Variants in HSD11B2 observed in about 807,000 individuals in gnomAD.
The protein encoded by HSD11B2 is hydroxysteroid 11-beta dehydrogenase 2.
In HSD11B2, 17 loss-of-function variants were observed where a neutral mutation model predicts 20.9. The observed-to-expected ratio is 0.81, with a 90% CI of 0.56 to 1.22. HSD11B2 has a LOEUF of 1.22. HSD11B2 is among the 50% of genes most tolerant of loss of function. The pLI is 0.00. For missense variants in HSD11B2, 480 were observed against 563.6 expected, an observed-to-expected ratio of 0.85 and a Z score of 1.50; for synonymous variants, 253 against 255.4, an observed-to-expected ratio of 0.99 and a Z score of 0.09.
rs2142284466 is a variant in HSD11B2, at chr16:67,431,240, T to C, written c.-9T>C. On this transcript the variant is annotated 5_prime_UTR_variant, in exon 1 of 5. Coordinates refer to ENST00000326152, the MANE Select transcript of HSD11B2 (RefSeq NM_000196.4). The stretch of plus-strand genomic sequence containing the variant: ...CCCGCCCCGCCCCGCCCCAGCCCGC[T>C]GGGCCGCCATGGAGCGCTGGCCTTG... 8.3e-7 allele frequency: 1 copy of C among 1,200,230 alleles called. No individual in the cohort carries two copies. The highest frequency in any genetic ancestry group is 1.0e-6 in the Non-Finnish European group (1 of 965,070). The allele number at this position is 1,200,230 out of a possible 1,614,324, so 74.3% of individuals were successfully genotyped here.
At position 67,435,689 on chromosome 16, in the gene HSD11B2, G is replaced by C; in HGVS notation, c.327G>C (p.Val109=). The change falls in exon 2 of 5, where the codon GTG becomes GTC. Residue 109 remains valine (V), a synonymous_variant. Transcript: ENST00000326152. ...AACTGGACTCCATGGGCTTCACGGT[G>C]CTGGCCACCGTATTGGAGTTGAACA... The part of the protein sequence containing the change: ...AKKLDSMGFT[V]LATVLELNSP... 1 of 1,613,922 alleles carries C rather than the reference G, an allele frequency of 6.2e-7. No homozygotes were observed. Among genetic ancestry groups the C allele is most frequent in the Non-Finnish European group, 8.5e-7 (1 of 1,180,016 alleles).
intron 1 of HSD11B2, among the ~76,000 whole-genome samples, chr16:67,433,530 C>T (rs1340414447): frequency 4.6e-5 from 7 of 151,928 alleles, no homozygotes; most frequent in Non-Finnish European, 1.0e-4. Flanking sequence ...AGGGTGTGCA[C>T]GTGAGCAAGA....
intron 1 of HSD11B2, 144 bp downstream of exon 1, chr16:67,431,657 G>A (rs1445951112): frequency 2.1e-6 from 2 of 939,900 alleles, no homozygotes; most frequent in African/African-American, 3.5e-5. Context: ...GGTGCAGGGA[G>A]CGAGCCAAAT....
chr16:67,430,998 G>A (rs1207734529), upstream of HSD11B2: 4 of 205,878 alleles, frequency 1.9e-5, no homozygotes, highest in Non-Finnish European at 3.9e-5. This position sits in a 1 kb window ranked among gnomAD's most constrained non-coding sequence, Gnocchi z 5.4. Flanking sequence ...CGGGGGGGGA[G>A]CACCTGCCCT....
In HSD11B2 at chr16:67,431,531, G is replaced by A; in HGVS notation, c.265+18G>A. ...CATCACCGGTGAGTGCGCGGGTCGC[G>A]GAGCGCGGGGACTCCAGGCTCGAGG... On this transcript the variant is annotated intron_variant, in intron 1 of 4. Coordinates refer to ENST00000326152, the MANE Select transcript of HSD11B2 (RefSeq NM_000196.4). The A allele has an allele frequency of 7.4e-7, 1 of 1,356,600 alleles. No homozygotes were observed. The highest frequency in any genetic ancestry group is 1.8e-5 in the South Asian group (1 of 56,866). 84.0% of individuals were successfully genotyped at this position (1,356,600 alleles called of 1,614,324 possible).
Position 67,436,474 on chromosome 16 carries a change from A to C in HSD11B2, c.802+88A>C. 6.5e-7 allele frequency: 1 copy of C among 1,538,356 alleles called. No individual in the cohort carries two copies. The highest frequency in any genetic ancestry group is 8.8e-7 in the Non-Finnish European group (1 of 1,133,184). On this transcript the variant is annotated intron_variant, in intron 4 of 4. Coordinates refer to ENST00000326152, the MANE Select transcript of HSD11B2 (RefSeq NM_000196.4). The surrounding 1 kb of genome is among the most constrained non-coding windows in gnomAD (Gnocchi z 5.7). ...GGCAGGTCAGGTTTGATGAATGGTC[A>C]TGGTTTTGGTTGGGGGTGTAGTTTT...
chr16:67,431,586 C>T, intron 1 of HSD11B2, 73 bp downstream of exon 1: 1 of 1,215,534 alleles, frequency 8.2e-7, no homozygotes, highest in Non-Finnish European at 1.0e-6. Context: ...AGGACTGACT[C>T]CCCATGGGCA....
In HSD11B2 at chr16:67,436,338, C is replaced by T; in HGVS notation, c.754C>T (p.Pro252Ser). Reference protein sequence around the residue: ...LMDTFSCELLPWGVKVSIIQP... With the variant: ...LMDTFSCELLSWGVKVSIIQP... ...GGACACATTCAGCTGTGAACTCCTTCCCTGGGGGGTCAAGGTCAGCATCAT... is the reference window on the plus strand; with the variant it reads ...GGACACATTCAGCTGTGAACTCCTTTCCTGGGGGGTCAAGGTCAGCATCAT... The change falls in exon 4 of 5, where the codon CCC becomes TCC. Residue 252 changes from proline (P) to serine (S), a missense_variant. By Grantham distance (74) the Pro-to-Ser change is moderately conservative. Transcript: ENST00000326152. The surrounding 1 kb of genome is among the most constrained non-coding windows in gnomAD (Gnocchi z 5.7). The T allele has an allele frequency of 6.2e-7, 1 of 1,611,698 alleles. No homozygotes were observed. Among genetic ancestry groups the T allele is most frequent in the Non-Finnish European group, 8.5e-7 (1 of 1,179,178 alleles).
In HSD11B2 at chr16:67,432,259, AGG is replaced by A. The variant is rs35257037; in HGVS notation, c.265+757_265+758del. Among the ~76,000 whole-genome samples the A allele has an allele frequency of 1.7e-3, 176 of 103,406 alleles. 1 individual carries two copies. The highest frequency in any genetic ancestry group is 5.1e-3 in the African/African-American group (159 of 31,220). The allele number at this position is 103,406 out of a possible 152,430, so 67.8% of individuals were successfully genotyped here. On this transcript the variant is annotated intron_variant, in intron 1 of 4. Transcript: ENST00000326152. ...CTGTCACCAGAGGGAGGGAAGGGGA[AGG>A]GGGGGGGGGGCTGGAGGCCCGCCGG...
chr16:67,429,820 A>G (rs1273836293), upstream of HSD11B2, among the ~76,000 whole-genome samples: 3 of 152,076 alleles, frequency 2.0e-5, no homozygotes, highest in Admixed American at 2.0e-4. Flanking sequence ...CTGGCTCACC[A>G]GGGGGCTGTG....
rs2040980585 is a variant in HSD11B2 at position 67,436,905 on chromosome 16, C to T, written c.1120C>T (p.Arg374Ter). 1.9e-6 allele frequency: 3 copies of T among 1,613,072 alleles called. No homozygotes were observed. The highest frequency in any genetic ancestry group is 1.3e-5 in the African/African-American group (1 of 74,928). The change falls in exon 5 of 5, where the codon CGA becomes TGA. Residue 374 changes from arginine to a stop codon, truncating the protein, a stop_gained. Transcript: ENST00000326152. LOFTEE classifies it low-confidence loss of function (END_TRUNC). This position sits in a 1 kb window ranked among gnomAD's most constrained non-coding sequence, Gnocchi z 5.7. ...QAFFISHCLP[R>*]ALQPGQPGTT... Reference sequence around the variant, plus strand: ...CTTCTTCATCAGTCACTGTCTGCCTCGAGCACTGCAGCCTGGCCAGCCTGG... The same window carrying T: ...CTTCTTCATCAGTCACTGTCTGCCTTGAGCACTGCAGCCTGGCCAGCCTGG...
chr16:67,436,492 G>A lies in HSD11B2; in HGVS notation c.803-96G>A. ...AATGGTCATGGTTTTGGTTGGGGGT[G>A]TAGTTTTGGCTGCAGACCTGGCGCG... On this transcript the variant is annotated intron_variant, in intron 4 of 4. Transcript: ENST00000326152. This position sits in a 1 kb window ranked among gnomAD's most constrained non-coding sequence, Gnocchi z 5.7. 1.3e-6 allele frequency: 2 copies of A among 1,550,208 alleles called. No homozygotes were observed. Among genetic ancestry groups the A allele is most frequent in the Admixed American group, 1.9e-5 (1 of 53,158 alleles).
Position 67,431,282 on chromosome 16 carries a change from T to C in HSD11B2, c.34T>C (p.Trp12Arg). ...CTGGCCTTGGCCGTCGGGCGGCGCC[T>C]GGCTGCTCGTGGCTGCCCGCGCGCT... ...ERWPWPSGGA[W>R]LLVAARALLQ... is the part of the protein sequence containing the mutation. The change falls in exon 1 of 5, where the codon TGG (tryptophan) becomes CGG (arginine). Residue 12 changes from tryptophan to arginine, a missense_variant. Trp to Arg is a moderately radical substitution (Grantham distance 101, BLOSUM62 -3). Transcript: ENST00000326152. The C allele has an allele frequency of 1.6e-6, 2 of 1,265,108 alleles. No individual in the cohort carries two copies. The highest frequency in any genetic ancestry group is 2.0e-6 in the Non-Finnish European group (2 of 995,100). The allele number at this position is 1,265,108 out of a possible 1,614,324, so 78.4% of individuals were successfully genotyped here.
intron 1 of HSD11B2, among the ~76,000 whole-genome samples, chr16:67,433,721 CACACACAT>C (rs148254142): frequency 0.058 from 8,382 of 144,186 alleles, 726 homozygotes; most frequent in African/African-American, 0.22. Flanking sequence ...CACACACACA[CACACACAT>C]ATGCTTGCCT....
chr16:67,434,077 G>A (rs2040952796), intron 1 of HSD11B2, among the ~76,000 whole-genome samples: 1 of 152,186 alleles, frequency 6.6e-6, no homozygotes, highest in Admixed American at 6.5e-5. Flanking sequence ...CCCCTACACT[G>A]GCTCTGCCTG....
chr16:67,435,870 C>A, intron 2 of HSD11B2, 30 bp downstream of exon 2: 2 of 1,613,538 alleles, frequency 1.2e-6, no homozygotes, highest in South Asian at 2.2e-5. Context: ...CAGGCAAGGG[C>A]GTGGCAGGGG....
rs1463686314 is a variant in HSD11B2 at position 67,436,621 on chromosome 16, G to A, written c.836G>A (p.Arg279His). ...AGAAACGTGGGTCAGTGGGAAAAGCGCAAGCAATTGCTGCTGGCCAACCTG... is the reference window on the plus strand; with the variant it reads ...AGAAACGTGGGTCAGTGGGAAAAGCACAAGCAATTGCTGCTGGCCAACCTG... Reference protein sequence around the residue: ...SVRNVGQWEKRKQLLLANLPQ... With the variant: ...SVRNVGQWEKHKQLLLANLPQ... The change falls in exon 5 of 5, where the codon CGC becomes CAC. Residue 279 changes from arginine to histidine, a missense_variant. By Grantham distance (29) the Arg-to-His change is conservative. This residue lies in a region of HSD11B2 where 374 missense variants were observed against 480.9 expected (regional missense o/e 0.78). Coordinates refer to ENST00000326152, the MANE Select transcript of HSD11B2 (RefSeq NM_000196.4). This position sits in a 1 kb window ranked among gnomAD's most constrained non-coding sequence, Gnocchi z 5.7. 5.0e-6 allele frequency: 8 copies of A among 1,614,040 alleles called. No individual in the cohort carries two copies. The highest frequency in any genetic ancestry group is 1.3e-5 in the African/African-American group (1 of 74,914).
chr16:67,432,647 G>C (rs577396446), intron 1 of HSD11B2: 1 of 152,512 alleles, frequency 6.6e-6, no homozygotes, highest in South Asian at 2.1e-4. Context: ...GTCTGGGTGT[G>C]GGGGTGGGGA....
rs373865007 is a variant in HSD11B2 at position 67,436,860 on chromosome 16, C to T, written c.1075C>T (p.Arg359Trp). The change falls in exon 5 of 5, where the codon CGG becomes TGG. Residue 359 changes from arginine to tryptophan, a missense_variant. By Grantham distance (101) the Arg-to-Trp change is moderately radical. Coordinates refer to ENST00000326152, the MANE Select transcript of HSD11B2 (RefSeq NM_000196.4). The surrounding 1 kb of genome is among the most constrained non-coding windows in gnomAD (Gnocchi z 5.7). Reference sequence around the variant, plus strand: ...CCACTACTACCTGCCTGAAGGCCTGCGGCGCCGCTTCCTGCAGGCCTTCTT... The same window carrying T: ...CCACTACTACCTGCCTGAAGGCCTGTGGCGCCGCTTCCTGCAGGCCTTCTT... ...FIHYYLPEGL[R>W]RRFLQAFFIS... 18 of 1,613,400 alleles carry T rather than the reference C, an allele frequency of 1.1e-5. No individual in the cohort carries two copies. Among genetic ancestry groups the T allele is most frequent in the South Asian group, 8.8e-5 (8 of 91,092 alleles).
Sources: gnomAD v4.1 joint callset for allele counts (sites outside exome capture counted in the v4.1 genomes callset) on GRCh38, gnomAD v4.1.1 for gene constraint, gnomAD v4.1.1 regional missense constraint, Gnocchi (gnomAD v3.1) non-coding constraint, MANE v1.5 for transcripts, NCBI Gene and HGNC (gene_info 2026-07-23, HGNC 2026-07-21) for gene names.